The following UMAD1 variants were observed in gnomAD, a reference collection of about 807,000 sequenced individuals.
The protein encoded by UMAD1 is UBAP1-MVB12-associated (UMA)-domain containing protein 1.
In UMAD1, 8 loss-of-function variants were observed where a neutral mutation model predicts 6.1. The ratio of observed to expected loss-of-function variants is 1.30; its 90% confidence interval spans 0.76 to 2.35. The LOEUF is 2.35. UMAD1 is among the 30% of genes most tolerant of loss of function. The pLI is 0.00. For synonymous variants in UMAD1, 56 were observed against 31.4 expected (o/e 1.78, Z -2.61); for missense variants, 130 against 78.4 (o/e 1.66, Z -2.49).
chr7:7,776,443 C>T (rs950543530), intron 2 of UMAD1, among the ~76,000 whole-genome samples: 5 of 152,116 alleles, frequency 3.3e-5, no homozygotes, highest in African/African-American at 1.2e-4. Flanking sequence ...AGATAGAGAG[C>T]AGATTAGTGG....
chr7:7,716,574 C>T (rs1464853391), intron 2 of UMAD1, among the ~76,000 whole-genome samples: 2 of 152,192 alleles, frequency 1.3e-5, no homozygotes, highest in African/African-American at 4.8e-5. Context: ...TTTTCTTTGT[C>T]ACCACGTGCA....
intron 3 of UMAD1, among the ~76,000 whole-genome samples, chr7:7,821,846 A>G (rs886346017): frequency 6.6e-6 from 1 of 152,192 alleles, no homozygotes; most frequent in Non-Finnish European, 1.5e-5. Context: ...GGTAACATAA[A>G]TCTAAATTGG....
chr7:7,822,699 C>T (rs1292042480), intron 3 of UMAD1, among the ~76,000 whole-genome samples: 3 of 152,088 alleles, frequency 2.0e-5, no homozygotes, highest in African/African-American at 7.2e-5. Context: ...AGTGTAAATA[C>T]AGAAAAATTC....
intron 2 of UMAD1, among the ~76,000 whole-genome samples, chr7:7,737,755 G>A (rs1020155874): frequency 1.3e-5 from 2 of 152,136 alleles, no homozygotes; most frequent in African/African-American, 4.8e-5. Context: ...GCTAAATTTG[G>A]TCTCCTTGAA....
rs193298083 is a variant in UMAD1, at chr7:7,822,346, T to G, written c.156+20603T>G. On this transcript the variant is annotated intron_variant, in intron 3 of 3. Transcript: ENST00000682710. ...GTAATATTTGAATTAGTCATCTAGTTTCTCTGAAAAGGTAGTAAGTTAATC... is the reference window on the plus strand; with the variant it reads ...GTAATATTTGAATTAGTCATCTAGTGTCTCTGAAAAGGTAGTAAGTTAATC... Among the ~76,000 whole-genome samples, 320 of 152,210 alleles carry G rather than the reference T, an allele frequency of 2.1e-3. 1 individual carries two copies. The highest frequency in any genetic ancestry group is 6.8e-3 in the Middle Eastern group (2 of 294).
intron 2 of UMAD1, among the ~76,000 whole-genome samples, chr7:7,704,729 T>C (rs1345733500): frequency 7.6e-6 from 1 of 131,536 alleles, no homozygotes; most frequent in Non-Finnish European, 1.5e-5. Flanking sequence ...ATCGCACCAC[T>C]GTACTCCAGC....
At chr7:7,649,158 C>CAAAAAAAAAA (rs34943326) in intron 1 of UMAD1, among the ~76,000 whole-genome samples, 14 of 128,842 alleles carry the variant, frequency 1.1e-4, no homozygotes, top group Non-Finnish European at 1.3e-4. Context: ...GACTCCATCT[C>CAAAAAAAAAA]AAAAAAAAAA....
intron 2 of UMAD1, among the ~76,000 whole-genome samples, chr7:7,709,864 T>A (rs1179748129): frequency 6.6e-6 from 1 of 152,172 alleles, no homozygotes; most frequent in Admixed American, 6.5e-5. Context: ...TTAAGAAATA[T>A]AATTTCTTGT....
chr7:7,722,898 G>C (rs1332912068), intron 2 of UMAD1, among the ~76,000 whole-genome samples: 1 of 152,174 alleles, frequency 6.6e-6, no homozygotes, highest in Non-Finnish European at 1.5e-5. Flanking sequence ...TGTAAACCCT[G>C]ATCAATCTTT....
chr7:7,717,110 G>A (rs1780934316), intron 2 of UMAD1, among the ~76,000 whole-genome samples: 1 of 147,624 alleles, frequency 6.8e-6, no homozygotes, highest in African/African-American at 2.5e-5. Context: ...AGGCTGGAGT[G>A]CAATGGCATG....
chr7:7,741,525 C>A (rs1029184985), intron 2 of UMAD1, among the ~76,000 whole-genome samples: 1 of 149,988 alleles, frequency 6.7e-6, no homozygotes, highest in Non-Finnish European at 1.5e-5. Flanking sequence ...TGCAGTGAGC[C>A]GAGATCACAT....
rs1784473053 is a variant in UMAD1, at chr7:7,878,763, AT to A, written c.*1226del. ...TGAATTATTCCAGTTTTAAAGTATTATGCATGTTTGTTTAATAAATGTGGCA... is the reference window on the plus strand; with the variant it reads ...TGAATTATTCCAGTTTTAAAGTATTAGCATGTTTGTTTAATAAATGTGGCA... On this transcript the variant is annotated 3_prime_UTR_variant, in exon 4 of 4. Coordinates refer to ENST00000682710, the MANE Select transcript of UMAD1 (RefSeq NM_001302348.2). 1 of 152,220 alleles carries A rather than the reference AT, an allele frequency of 6.6e-6. No homozygotes were observed. Among genetic ancestry groups the A allele is most frequent in the Non-Finnish European group, 1.5e-5 (1 of 68,028 alleles). The allele number at this position is 152,220 out of a possible 1,614,324, so 9.4% of individuals were successfully genotyped here.
chr7:7,724,759 A>G (rs6954931), intron 2 of UMAD1, among the ~76,000 whole-genome samples: 25,404 of 152,214 alleles, frequency 0.17, 2,190 homozygotes, highest in Middle Eastern at 0.2. Flanking sequence ...ACATCTCCTG[A>G]TACCTGGTAT....
intron 2 of UMAD1, among the ~76,000 whole-genome samples, chr7:7,702,785 TTTGTTGTTG>T (rs148600831): frequency 1.1e-4 from 16 of 150,346 alleles, no homozygotes; most frequent in Non-Finnish European, 1.6e-4. Flanking sequence ...GGCCTGGGTT[TTTGTTGTTG>T]TTGTTGTTGT....
chr7:7,833,564 T>G (rs1302995159), intron 3 of UMAD1, among the ~76,000 whole-genome samples: 1 of 152,138 alleles, frequency 6.6e-6, no homozygotes, highest in Non-Finnish European at 1.5e-5. Context: ...GGTAAGTACC[T>G]TCAATTAAAA....
intron 2 of UMAD1, among the ~76,000 whole-genome samples, chr7:7,678,828 C>T (rs185043735): frequency 0.078 from 1,481 of 19,108 alleles, 592 homozygotes; most frequent in African/African-American, 0.26. Flanking sequence ...AGTTTATAAA[C>T]ATATATTTAT....
intron 3 of UMAD1, among the ~76,000 whole-genome samples, chr7:7,855,256 C>G (rs1583875307): frequency 6.6e-6 from 1 of 152,206 alleles, no homozygotes; most frequent in East Asian, 1.9e-4. Flanking sequence ...GACAGTGCCC[C>G]AGTGTGGACT....
chr7:7,699,003 C>A (rs946740057), intron 2 of UMAD1, among the ~76,000 whole-genome samples: 66 of 150,790 alleles, frequency 4.4e-4, no homozygotes, highest in African/African-American at 1.6e-3. Flanking sequence ...TACAGGAGTG[C>A]ACCATCATGC....
At chr7:7,643,954 C>G (rs1785036925) in intron 1 of UMAD1, among the ~76,000 whole-genome samples, 1 of 152,112 alleles carries the variant, frequency 6.6e-6, no homozygotes, top group South Asian at 2.1e-4. Flanking sequence ...ACTGAAGTTG[C>G]TACTGACCCG....
Sources: allele counts gnomAD v4.1 joint callset (sites outside exome capture counted in the v4.1 genomes callset), GRCh38; gene constraint gnomAD v4.1.1; transcripts MANE v1.5; gene names NCBI Gene and HGNC (gene_info 2026-07-23, HGNC 2026-07-21).